The following MAD1L1 variants were observed in gnomAD, a reference collection of about 807,000 sequenced individuals.
MAD1L1 encodes the protein mitotic arrest deficient 1 like 1.
MAD1L1 carries 95 observed loss-of-function variants against 96.9 expected under a neutral mutation model. The observed-to-expected ratio is 0.98, with a 90% CI of 0.83 to 1.16. MAD1L1 has a LOEUF of 1.16. MAD1L1 is among the 50% of genes most tolerant of loss of function. MAD1L1 has a pLI of 0.00. For missense variants in MAD1L1, 1,007 were observed against 954.4 expected (o/e 1.06, Z -0.73); for synonymous variants, 473 against 396.6 (o/e 1.19, Z -2.29).
intron 11 of MAD1L1, among the ~76,000 whole-genome samples, chr7:2,127,909 G>A (rs763074948): frequency 6.6e-6 from 1 of 152,138 alleles, no homozygotes; most frequent in Non-Finnish European, 1.5e-5. Context: ...AACTGACTCC[G>A]ACCAGCGGCT....
intron 14 of MAD1L1, among the ~76,000 whole-genome samples, chr7:1,992,391 AC>A (rs761451080): frequency 3.9e-5 from 6 of 152,234 alleles, no homozygotes; most frequent in Non-Finnish European, 8.8e-5. Context: ...GGGAAGGGGA[AC>A]AGGTGTCAGA....
At chr7:2,209,975 C>G (rs1792822887) in intron 10 of MAD1L1, 1 of 152,324 alleles carries the variant, frequency 6.6e-6, no homozygotes, top group Admixed American at 6.5e-5. Flanking sequence ...GCCGACTTCA[C>G]CACCACATTC....
At chr7:2,176,770 C>T (rs949167476) in intron 10 of MAD1L1, among the ~76,000 whole-genome samples, 2 of 152,216 alleles carry the variant, frequency 1.3e-5, no homozygotes, top group Admixed American at 6.5e-5. Flanking sequence ...ACATAGTAAA[C>T]TATACTGTGT....
chr7:2,219,202 T>G, intron 6 of MAD1L1, 130 bp downstream of exon 6: 1 of 901,248 alleles, frequency 1.1e-6, no homozygotes, highest in South Asian at 1.7e-5. Context: ...CATCTGCCCC[T>G]CTTGAGTGTC....
At chr7:1,962,075 G>A (rs1370229148) in intron 15 of MAD1L1, among the ~76,000 whole-genome samples, 2 of 151,944 alleles carry the variant, frequency 1.3e-5, no homozygotes, top group Non-Finnish European at 2.9e-5. Context: ...TGTTGTGGGA[G>A]TGATGTGGTG....
chr7:2,167,741 A>C (rs1048634623), intron 10 of MAD1L1, among the ~76,000 whole-genome samples: 36 of 150,826 alleles, frequency 2.4e-4, no homozygotes, highest in Admixed American at 9.9e-4. Flanking sequence ...AAAAAAAAAA[A>C]CACAATATTT....
chr7:1,949,101 C>A (rs1363734893), intron 16 of MAD1L1, among the ~76,000 whole-genome samples: 2 of 152,142 alleles, frequency 1.3e-5, no homozygotes, highest in Non-Finnish European at 1.5e-5. Flanking sequence ...CCGGGCCCTG[C>A]TCCTTGAGGC....
chr7:1,830,345 C>T (rs966669102), intron 18 of MAD1L1, among the ~76,000 whole-genome samples: 15 of 152,040 alleles, frequency 9.9e-5, no homozygotes, highest in African/African-American at 2.2e-4. Flanking sequence ...TGCAGTGAGC[C>T]GAGATCGTGC....
At chr7:2,083,692 C>A (rs1448258345) in intron 11 of MAD1L1, among the ~76,000 whole-genome samples, 1 of 152,252 alleles carries the variant, frequency 6.6e-6, no homozygotes, top group Admixed American at 6.5e-5. Context: ...GGGTTGAAAC[C>A]CGGCCTCCGC....
intron 10 of MAD1L1, among the ~76,000 whole-genome samples, chr7:2,181,992 G>GAA (rs1161826727): frequency 6.6e-6 from 1 of 152,122 alleles, no homozygotes; most frequent in Admixed American, 6.6e-5. Flanking sequence ...AGGACACAAA[G>GAA]GTGTAAGAGG....
chr7:2,149,418 C>T (rs1460691845), intron 10 of MAD1L1, among the ~76,000 whole-genome samples, 180 bp from the exon 11 acceptor site: 1 of 152,198 alleles, frequency 6.6e-6, no homozygotes, highest in Non-Finnish European at 1.5e-5. Flanking sequence ...GGGTCAACCA[C>T]AGCCCCCACC....
At chr7:2,005,251 T>C (rs1212842857) in intron 13 of MAD1L1, among the ~76,000 whole-genome samples, 1 of 152,124 alleles carries the variant, frequency 6.6e-6, no homozygotes, top group East Asian at 1.9e-4. Flanking sequence ...GAGAGCCACC[T>C]TTCACTGAAG....
intron 17 of MAD1L1, among the ~76,000 whole-genome samples, chr7:1,906,049 C>CAAAAA (rs10570929): frequency 3.3e-5 from 3 of 91,938 alleles, no homozygotes; most frequent in Admixed American, 1.1e-4. Context: ...GACTCCATCT[C>CAAAAA]AAAAAAAAAA....
In MAD1L1 at chr7:1,888,638, A is replaced by C. The variant is rs538181265; in HGVS notation, c.1998+9562T>G. Among the ~76,000 whole-genome samples the C allele has an allele frequency of 2.3e-4, 34 of 147,948 alleles. 1 individual carries two copies. The East Asian group carries it at 6.8e-3, about 29-fold the overall frequency. On this transcript the variant is annotated intron_variant, in intron 18 of 18. Transcript: ENST00000265854. The stretch of plus-strand genomic sequence containing the variant: ...TGTGAGCATGCATGCGTGCATGTGG[A>C]TGCCTGTGTGTGCGCGCATGTGTGT...
intron 11 of MAD1L1, among the ~76,000 whole-genome samples, chr7:2,126,495 G>GGGGGGCAGC (rs1231821806): frequency 6.6e-6 from 1 of 152,142 alleles, no homozygotes; most frequent in African/African-American, 2.4e-5. Flanking sequence ...CCTCAGGCCT[G>GGGGGGCAGC]GGGGGCAGCG....
At chr7:2,075,454 T>C (rs1235412839) in intron 11 of MAD1L1, among the ~76,000 whole-genome samples, 2 of 152,114 alleles carry the variant, frequency 1.3e-5, no homozygotes, top group African/African-American at 4.8e-5. Flanking sequence ...TCTTCTGAGG[T>C]ACAGAAGAGA....
At chr7:2,018,251 G>C (rs1053410128) in intron 12 of MAD1L1, among the ~76,000 whole-genome samples, 2 of 152,196 alleles carry the variant, frequency 1.3e-5, no homozygotes, top group African/African-American at 4.8e-5. Flanking sequence ...CTGAGTGTGA[G>C]GACACTCAAC....
chr7:2,230,779 A>G (rs1387762447), intron 1 of MAD1L1, 52 bp from the exon 2 acceptor site: 2 of 152,638 alleles, frequency 1.3e-5, no homozygotes, highest in Non-Finnish European at 2.9e-5. Context: ...AGGCAGATGG[A>G]CACATTCGCC....
chr7:2,033,926 A>G (rs1251024618), intron 12 of MAD1L1, among the ~76,000 whole-genome samples: 2 of 152,322 alleles, frequency 1.3e-5, no homozygotes, highest in East Asian at 3.9e-4. Flanking sequence ...CCCCATCTCT[A>G]CAAAAAAAAT....
Sources: allele counts gnomAD v4.1 joint callset (sites outside exome capture counted in the v4.1 genomes callset), GRCh38; gene constraint gnomAD v4.1.1; transcripts MANE v1.5; gene names NCBI Gene and HGNC (gene_info 2026-07-23, HGNC 2026-07-21).